The following PCDHA9 variants were observed in gnomAD, a reference collection of about 807,000 sequenced individuals.
PCDHA9 encodes the protein protocadherin alpha 9, also known as protocadherin alpha-9.
Under a neutral mutation model 62.0 loss-of-function variants are expected in PCDHA9, and 62 were observed. The ratio of observed to expected loss-of-function variants is 1.00; its 90% CI spans 0.81 to 1.23. The LOEUF is 1.23. Ranked by LOEUF, PCDHA9 falls within the 50% of genes most tolerant of loss-of-function variation. PCDHA9 has a pLI of 0.00. For missense variants in PCDHA9, 1,205 were observed against 1,249.8 expected, an observed-to-expected ratio of 0.96 and a Z score of 0.54; for synonymous variants, 557 against 567.6, an observed-to-expected ratio of 0.98 and a Z score of 0.27.
intron 2 of PCDHA9, 29 bp downstream of exon 2, chr5:140,979,036 A>G: frequency 6.2e-7 from 1 of 1,613,064 alleles, no homozygotes. Context: ...ATTCACTCAG[A>G]AGTAACCTTA....
chr5:140,939,900 A>G (rs916984176), intron 1 of PCDHA9, among the ~76,000 whole-genome samples: 5 of 152,150 alleles, frequency 3.3e-5, no homozygotes, highest in Admixed American at 3.3e-4. Flanking sequence ...AATATTCTGC[A>G]TTCTTTTTTA....
chr5:140,982,663 A>G (rs2096995052), intron 3 of PCDHA9, 100 bp downstream of exon 3: 5 of 1,473,648 alleles, frequency 3.4e-6, no homozygotes, highest in Admixed American at 2.6e-5. Context: ...TTTTTCTTTT[A>G]TATTTTTGTT....
At chr5:140,875,457 G>T in intron 1 of PCDHA9, 3 of 1,595,968 alleles carry the variant, frequency 1.9e-6, no homozygotes, top group Non-Finnish European at 2.6e-6. Flanking sequence ...CAACTCAGAG[G>T]CCCTCATTTT....
At chr5:140,875,430 C>G in intron 1 of PCDHA9, 1 of 1,557,170 alleles carries the variant, frequency 6.4e-7, no homozygotes. Context: ...CAAGCGATCC[C>G]TTAAAACTGA....
At chr5:141,001,032 TTTAA>T (rs1332637304) in intron 3 of PCDHA9, among the ~76,000 whole-genome samples, 3 of 152,348 alleles carry the variant, frequency 2.0e-5, no homozygotes, top group Middle Eastern at 3.4e-3. Flanking sequence ...TAATAATAGC[TTTAA>T]TTAATTGTAA....
chr5:140,882,153 A>C (rs1197738298), intron 1 of PCDHA9: 8 of 1,505,202 alleles, frequency 5.3e-6, no homozygotes, highest in Non-Finnish European at 7.1e-6. Flanking sequence ...CAGAAAGCGG[A>C]ATACCTCTTG....
In PCDHA9 at chr5:140,858,203, C is replaced by T. The variant is rs781959847; in HGVS notation, c.2394+7314C>T. On this transcript the variant is annotated intron_variant, in intron 1 of 3. Coordinates refer to ENST00000532602, the MANE Select transcript of PCDHA9 (RefSeq NM_031857.2). The stretch of plus-strand genomic sequence containing the variant: ...GCTCACGCTGCTGCTGTACACTGCA[C>T]TGAGGTGCTCGGCGGCGCCCACCGA... The T allele has an allele frequency of 3.7e-5, 59 of 1,595,952 alleles. 8 individuals are homozygous for T. Among genetic ancestry groups the T allele is most frequent in the Non-Finnish European group, 4.8e-5 (56 of 1,166,554 alleles).
At chr5:140,904,858 CTGTT>C (rs1335177457) in intron 1 of PCDHA9, among the ~76,000 whole-genome samples, 1 of 152,072 alleles carries the variant, frequency 6.6e-6, no homozygotes, top group Non-Finnish European at 1.5e-5. Context: ...TGAGAATTGT[CTGTT>C]TATGTCCTTA....
intron 1 of PCDHA9, chr5:140,929,432 T>C: frequency 1.4e-6 from 2 of 1,474,372 alleles, no homozygotes; most frequent in Non-Finnish European, 1.8e-6. Flanking sequence ...TCAATTGAAC[T>C]AAACACTCCT....
chr5:140,880,736 T>C (rs1554171410), intron 1 of PCDHA9, among the ~76,000 whole-genome samples: 4 of 152,068 alleles, frequency 2.6e-5, no homozygotes, highest in Non-Finnish European at 5.9e-5. Context: ...ATAGAGAAAA[T>C]GGATTGTCAG....
At chr5:140,947,998 T>C (rs2094201986) in intron 1 of PCDHA9, among the ~76,000 whole-genome samples, 1 of 122,112 alleles carries the variant, frequency 8.2e-6, no homozygotes, top group Admixed American at 8.2e-5. Flanking sequence ...AAATACTTTA[T>C]TAAATTTAGG....
rs566725560 is a variant in PCDHA9, at chr5:140,929,099, G to T, written c.2395-49850G>T. The T allele has an allele frequency of 9.3e-6, 15 of 1,614,170 alleles. No homozygotes were observed. The African/African-American group carries it at 1.9e-4, about 20-fold the overall frequency. ...GGAAGTAAGATGGTTTCAAATCCTT[G>T]CATGACATCAGCCACCATAGATGTC... On this transcript the variant is annotated intron_variant, in intron 1 of 3. Transcript: ENST00000532602.
intron 1 of PCDHA9, among the ~76,000 whole-genome samples, chr5:140,896,950 C>A (rs996950218): frequency 6.6e-6 from 1 of 152,106 alleles, no homozygotes; most frequent in Non-Finnish European, 1.5e-5. Context: ...TGGCCATTCC[C>A]TTAAACATTT....
intron 1 of PCDHA9, chr5:140,861,443 C>T (rs782609099): frequency 4.1e-6 from 2 of 493,194 alleles, no homozygotes; most frequent in Non-Finnish European, 8.3e-6. Context: ...CCAAAAGCCG[C>T]AGAAACCTTC....
At chr5:140,856,678 G>A in intron 1 of PCDHA9, 5 of 1,597,744 alleles carry the variant, frequency 3.1e-6, no homozygotes, top group Non-Finnish European at 4.3e-6. Flanking sequence ...TAAAGTTGTT[G>A]TTGACAGCAA....
intron 1 of PCDHA9, chr5:140,856,983 G>A: frequency 6.3e-7 from 1 of 1,595,186 alleles, no homozygotes; most frequent in Non-Finnish European, 8.6e-7. Flanking sequence ...TTTGAGGACA[G>A]TAACACTTAT....
At chr5:140,942,109 A>G (rs534603504) in intron 1 of PCDHA9, among the ~76,000 whole-genome samples, 55 of 152,334 alleles carry the variant, frequency 3.6e-4, no homozygotes, top group African/African-American at 1.3e-3. Flanking sequence ...CATATAATCA[A>G]ACTTTATTAA....
intron 1 of PCDHA9, chr5:140,876,989 G>A (rs781957201): frequency 6.2e-7 from 1 of 1,612,664 alleles, no homozygotes. Context: ...GCACTGTCGA[G>A]CTACGTGTCG....
chr5:140,931,864 T>G (rs1554208617), intron 1 of PCDHA9, among the ~76,000 whole-genome samples: 1 of 151,976 alleles, frequency 6.6e-6, no homozygotes, highest in African/African-American at 2.4e-5. Flanking sequence ...ATTCTAGAAA[T>G]AAAATATTTA....
Sources: allele counts gnomAD v4.1 joint callset (sites outside exome capture counted in the v4.1 genomes callset), GRCh38; gene constraint gnomAD v4.1.1; transcripts MANE v1.5; gene names NCBI Gene and HGNC (gene_info 2026-07-23, HGNC 2026-07-21).